EDIL3: variants seen among roughly 807,000 people sequenced by gnomAD.
EDIL3 encodes the protein EGF-like repeat and discoidin I-like domain-containing protein 3.
Under a neutral mutation model 67.4 loss-of-function variants are expected in EDIL3, and 37 were observed. That is an observed-to-expected ratio of 0.55 (90% CI 0.42 to 0.72). The LOEUF is 0.72. Among genes scored for constraint, EDIL3 ranks in the 30% least tolerant of loss-of-function variants. EDIL3 has a pLI of 0.00. For synonymous variants in EDIL3, 195 were observed against 196.3 expected (o/e 0.99, Z 0.05); for missense variants, 527 against 586.3 (o/e 0.90, Z 1.04).
chr5:84,084,115 C>A (rs907932842), intron 6 of EDIL3, among the ~76,000 whole-genome samples: 1 of 152,024 alleles, frequency 6.6e-6, no homozygotes, highest in African/African-American at 2.4e-5. Context: ...GTTTCAAACA[C>A]TCCTATATAG....
At chr5:84,214,752 A>G (rs936065311) in intron 3 of EDIL3, among the ~76,000 whole-genome samples, 3 of 151,358 alleles carry the variant, frequency 2.0e-5, no homozygotes, top group Non-Finnish European at 4.4e-5. Flanking sequence ...GAGTCTTGCT[A>G]TGTCACCCAG....
At chr5:84,302,175 C>G (rs923967687) in intron 1 of EDIL3, among the ~76,000 whole-genome samples, 1 of 152,008 alleles carries the variant, frequency 6.6e-6, no homozygotes, top group Admixed American at 6.6e-5. Flanking sequence ...ATGGAGCTTT[C>G]AATTTATTCT....
At chr5:84,075,464 T>G (rs1226033860) in intron 6 of EDIL3, among the ~76,000 whole-genome samples, 1 of 149,458 alleles carries the variant, frequency 6.7e-6, no homozygotes, top group African/African-American at 2.5e-5. Flanking sequence ...GACAGGGGCT[T>G]CTTCTTCTTC....
intron 3 of EDIL3, among the ~76,000 whole-genome samples, chr5:84,217,395 G>C (rs572182652): frequency 6.6e-6 from 1 of 152,206 alleles, no homozygotes; most frequent in African/African-American, 2.4e-5. Context: ...ATTTGACTAG[G>C]CTACGGTGCC....
At chr5:84,262,278 T>G (rs990794810) in intron 1 of EDIL3, among the ~76,000 whole-genome samples, 1 of 152,040 alleles carries the variant, frequency 6.6e-6, no homozygotes, top group Non-Finnish European at 1.5e-5. Flanking sequence ...TTCTTAAAGC[T>G]AATCCAAATA....
chr5:84,142,760 T>C (rs1472322873), intron 4 of EDIL3, among the ~76,000 whole-genome samples: 1 of 151,764 alleles, frequency 6.6e-6, no homozygotes, highest in Non-Finnish European at 1.5e-5. Context: ...AGAAGGAACA[T>C]GGTTCTTGGG....
At chr5:84,155,591 A>C (rs1748476995) in intron 4 of EDIL3, among the ~76,000 whole-genome samples, 1 of 152,138 alleles carries the variant, frequency 6.6e-6, no homozygotes, top group Non-Finnish European at 1.5e-5. Context: ...TCCATTCTCC[A>C]TGTTCGTTAA....
chr5:84,275,093 T>C (rs1284831164), intron 1 of EDIL3, among the ~76,000 whole-genome samples: 1 of 152,178 alleles, frequency 6.6e-6, no homozygotes, highest in Non-Finnish European at 1.5e-5. Flanking sequence ...GGCGGCACAT[T>C]TTTGGATTGG....
chr5:84,100,083 C>T (rs1160801576), intron 6 of EDIL3, among the ~76,000 whole-genome samples: 1 of 152,102 alleles, frequency 6.6e-6, no homozygotes, highest in African/African-American at 2.4e-5. Flanking sequence ...ACAACAGATG[C>T]TGGAGTGGAT....
At chr5:84,369,369 A>G (rs1050160132) in intron 1 of EDIL3, among the ~76,000 whole-genome samples, 2 of 152,094 alleles carry the variant, frequency 1.3e-5, no homozygotes, top group African/African-American at 4.8e-5. Flanking sequence ...ATACACATAC[A>G]TACATATATA....
At chr5:84,059,655 G>A (rs1203597114) in intron 9 of EDIL3, among the ~76,000 whole-genome samples, 1 of 152,232 alleles carries the variant, frequency 6.6e-6, no homozygotes. Context: ...TTATCGAATT[G>A]AGTTGTCTTA....
At chr5:83,956,084 T>C (rs1487039857) in intron 10 of EDIL3, among the ~76,000 whole-genome samples, 1 of 151,916 alleles carries the variant, frequency 6.6e-6, no homozygotes, top group Admixed American at 6.6e-5. Flanking sequence ...CACTCTGGTT[T>C]GTCTTTCATT....
chr5:84,336,665 T>C (rs1246788498), intron 1 of EDIL3, among the ~76,000 whole-genome samples: 1 of 152,146 alleles, frequency 6.6e-6, no homozygotes, highest in Non-Finnish European at 1.5e-5. Context: ...AATTCAGGCA[T>C]TGTCCACAAG....
At chr5:84,030,284 G>A (rs914118791) in intron 9 of EDIL3, among the ~76,000 whole-genome samples, 2 of 152,158 alleles carry the variant, frequency 1.3e-5, no homozygotes, top group Non-Finnish European at 2.9e-5. Flanking sequence ...ATATCTTTGT[G>A]TATCTAAAAC....
intron 9 of EDIL3, among the ~76,000 whole-genome samples, chr5:84,017,018 T>C (rs913502922): frequency 6.6e-6 from 1 of 152,224 alleles, no homozygotes; most frequent in African/African-American, 2.4e-5. Context: ...TTTGCCATCA[T>C]GAGTCTCAGT....
At chr5:84,182,521 A>G (rs575965670) in intron 3 of EDIL3, among the ~76,000 whole-genome samples, 3 of 152,182 alleles carry the variant, frequency 2.0e-5, no homozygotes, top group South Asian at 4.1e-4. Flanking sequence ...AATCACCAGC[A>G]TCACTTCAAG....
intron 6 of EDIL3, among the ~76,000 whole-genome samples, chr5:84,070,631 G>GTGTC (rs1725515885): frequency 6.6e-6 from 1 of 151,770 alleles, no homozygotes; most frequent in Non-Finnish European, 1.5e-5. Flanking sequence ...GTGTGTGTGT[G>GTGTC]TGTGTGTGTG....
At chr5:84,019,750 T>G (rs1745676938) in intron 9 of EDIL3, among the ~76,000 whole-genome samples, 1 of 152,034 alleles carries the variant, frequency 6.6e-6, no homozygotes, top group African/African-American at 2.4e-5. Context: ...AATTTGCTTG[T>G]GAAGAGTTGA....
intron 1 of EDIL3, among the ~76,000 whole-genome samples, chr5:84,369,597 G>T (rs1227541359): frequency 2.0e-5 from 3 of 151,980 alleles, no homozygotes; most frequent in Non-Finnish European, 4.4e-5. Context: ...GGGAGAAATG[G>T]GGAATTATTG....
Sources: gnomAD v4.1 joint callset for allele counts (sites outside exome capture counted in the v4.1 genomes callset) on GRCh38, gnomAD v4.1.1 for gene constraint, MANE v1.5 for transcripts, NCBI Gene and HGNC (gene_info 2026-07-23, HGNC 2026-07-21) for gene names.